The following HDX variants were observed in gnomAD, a reference collection of about 807,000 sequenced individuals.
HDX encodes chromosome X open reading frame 43.
In HDX, 19 loss-of-function variants were observed where a neutral mutation model predicts 45.2. The ratio of observed to expected loss-of-function variants is 0.42; its 90% CI spans 0.29 to 0.62. HDX has a LOEUF of 0.62. Ranked by LOEUF, HDX falls within the 20% of genes least tolerant of loss-of-function variation. The probability of loss-of-function intolerance (pLI) is 0.20; values close to 1 mark genes in which losing one functional copy is unlikely to be tolerated. For missense variants in HDX, 532 were observed against 493.9 expected, an observed-to-expected ratio of 1.08 and a Z score of -0.73; for synonymous variants, 188 against 172.8, an observed-to-expected ratio of 1.09 and a Z score of -0.69.
chrX:84,350,136 G>A (rs1425641789), intron 6 of HDX, among the ~76,000 whole-genome samples: 1 of 111,375 alleles, frequency 9.0e-6, no homozygotes, highest in East Asian at 2.8e-4. Flanking sequence ...TAAGTGTATG[G>A]AAATTTTTCT....
intron 1 of HDX, among the ~76,000 whole-genome samples, chrX:84,501,949 T>A (rs1001728504): frequency 8.9e-6 from 1 of 111,760 alleles, no homozygotes; most frequent in Non-Finnish European, 1.9e-5. Context: ...TGAGTAGGGC[T>A]GTGAGAAATC....
chrX:84,491,285 A>G (rs1046131356), intron 1 of HDX, among the ~76,000 whole-genome samples: 2 of 111,621 alleles, frequency 1.8e-5, no homozygotes, highest in Non-Finnish European at 3.8e-5. Context: ...AAAGTTCACT[A>G]TATTTTTTCT....
chrX:84,366,704 A>G (rs1484323148), intron 5 of HDX, among the ~76,000 whole-genome samples: 1 of 111,440 alleles, frequency 9.0e-6, no homozygotes, highest in Non-Finnish European at 1.9e-5. Context: ...CTGATCTTTG[A>G]CAAACTTGAC....
intron 3 of HDX, among the ~76,000 whole-genome samples, chrX:84,474,681 C>A (rs1192377466): frequency 2.7e-5 from 3 of 112,256 alleles, no homozygotes; most frequent in Admixed American, 1.9e-4. Flanking sequence ...ATCACCTTCT[C>A]GTTACCTTTC....
At chrX:84,386,134 T>C (rs898333071) in intron 5 of HDX, among the ~76,000 whole-genome samples, 3 of 111,616 alleles carry the variant, frequency 2.7e-5, no homozygotes, top group Non-Finnish European at 5.6e-5. Flanking sequence ...ATTTTAATTC[T>C]CTTCACATGT....
At chrX:84,336,307 A>G (rs2036959274) in intron 8 of HDX, among the ~76,000 whole-genome samples, 1 of 111,210 alleles carries the variant, frequency 9.0e-6, no homozygotes, top group Non-Finnish European at 1.9e-5. Context: ...TTTTAAGATG[A>G]GTAACCAGAG....
intron 1 of HDX, among the ~76,000 whole-genome samples, chrX:84,494,645 C>T (rs2148206076): frequency 9.0e-6 from 1 of 111,724 alleles, no homozygotes; most frequent in African/African-American, 3.3e-5. Context: ...GTAGAAACAA[C>T]ATACAAACAC....
chrX:84,355,603 G>A (rs145891664), intron 6 of HDX, among the ~76,000 whole-genome samples: 1,814 of 109,728 alleles, frequency 0.017, 33 homozygotes, highest in African/African-American at 0.057. Context: ...GCAAACTATC[G>A]CAGGGACAAA....
intron 5 of HDX, among the ~76,000 whole-genome samples, chrX:84,401,296 T>C (rs745659749): frequency 8.9e-6 from 1 of 111,984 alleles, no homozygotes; most frequent in South Asian, 3.7e-4. Flanking sequence ...TTTTTTCCAA[T>C]ATATCCATCG....
intron 5 of HDX, among the ~76,000 whole-genome samples, chrX:84,409,678 A>T (rs1304901774): frequency 3.3e-5 from 3 of 90,997 alleles, no homozygotes; most frequent in South Asian, 1.4e-3. Flanking sequence ...AACAATGAGA[A>T]CACATGGACA....
At chrX:84,445,408 G>A (rs1344421800) in intron 4 of HDX, among the ~76,000 whole-genome samples, 1 of 110,813 alleles carries the variant, frequency 9.0e-6, no homozygotes, top group Non-Finnish European at 1.9e-5. Flanking sequence ...GCTTTAATAG[G>A]CAGAGTTTCC....
rs1272881846 is a variant in HDX, at chrX:84,442,080, TAAC to T, written c.1252-1498_1252-1496del. Among the ~76,000 whole-genome samples the T allele has an allele frequency of 2.7e-5, 3 of 111,120 alleles. No homozygotes were observed. The Admixed American group carries it at 2.9e-4, about 11-fold the overall frequency. ...CCTGTGGTTCAGGTTAGTCTGGACT[TAAC>T]TATGCTTTATCATAGGACACACAAG... On this transcript the variant is annotated intron_variant, in intron 4 of 10. Transcript: ENST00000373177.
At chrX:84,447,285 T>C (rs747854396) in intron 4 of HDX, among the ~76,000 whole-genome samples, 24 of 111,588 alleles carry the variant, frequency 2.2e-4, no homozygotes, top group South Asian at 7.6e-4. Context: ...AATCACACTT[T>C]GAATAGATCA....
Position 84,349,103 on chromosome X carries a change from G to A in HDX, c.1453-4646C>T, listed in dbSNP as rs181026811. ...AGCCTCCAGCAATTCATCAGTTACA[G>A]TTTAGGTTTTCCTGCCTTGGTAATG... On this transcript the variant is annotated intron_variant, in intron 6 of 10. Transcript: ENST00000373177. Among the ~76,000 whole-genome samples the A allele has an allele frequency of 2.6e-3, 285 of 110,725 alleles. 2 individuals are homozygous for A. The highest frequency in any genetic ancestry group is 9.0e-3 in the African/African-American group (275 of 30,427).
intron 5 of HDX, among the ~76,000 whole-genome samples, chrX:84,409,200 G>A (rs765709000): frequency 9.0e-5 from 10 of 110,906 alleles, no homozygotes; most frequent in African/African-American, 1.3e-4. Context: ...TTAGAATGGC[G>A]ATCATTAAAA....
chrX:84,451,347 C>G (rs930747850), intron 4 of HDX, among the ~76,000 whole-genome samples: 2 of 110,754 alleles, frequency 1.8e-5, no homozygotes, highest in Non-Finnish European at 3.8e-5. Flanking sequence ...GACATTGCAA[C>G]TGATACTACA....
intron 5 of HDX, among the ~76,000 whole-genome samples, chrX:84,392,313 T>C (rs2038460027): frequency 9.0e-6 from 1 of 111,507 alleles, no homozygotes; most frequent in Non-Finnish European, 1.9e-5. Context: ...CTTTGGTCAC[T>C]ACAGCCTTGT....
rs2036554911 is a variant in HDX at position 84,319,251 on chromosome X, C to T, written c.*2638G>A. ...TCTCAAAGCCCTAAAGAAAGAAACACTAGTTAGTTAATTTTTATCCCCAGC... is the reference window on the plus strand; with the variant it reads ...TCTCAAAGCCCTAAAGAAAGAAACATTAGTTAGTTAATTTTTATCCCCAGC... On this transcript the variant is annotated 3_prime_UTR_variant, in exon 11 of 11. Transcript: ENST00000373177. 3.6e-5 allele frequency: 4 copies of T among 110,930 alleles called. No individual in the cohort carries two copies. In the South Asian group the frequency reaches 1.5e-3, roughly 41 times the overall value. 9.1% of individuals were successfully genotyped at this position (110,930 alleles called of 1,213,427 possible).
intron 8 of HDX, among the ~76,000 whole-genome samples, chrX:84,334,748 ACTC>A (rs1181359946): frequency 9.0e-4 from 99 of 110,233 alleles, no homozygotes; most frequent in African/African-American, 3.2e-3. Context: ...TCAAGAAAAA[ACTC>A]CTTTAAATAT....
Sources: allele counts gnomAD v4.1 joint callset (sites outside exome capture counted in the v4.1 genomes callset), GRCh38; gene constraint gnomAD v4.1.1; transcripts MANE v1.5; gene names NCBI Gene and HGNC (gene_info 2026-07-23, HGNC 2026-07-21).